The following SLC25A48 variants were observed in gnomAD, a reference collection of about 807,000 sequenced individuals.
SLC25A48 encodes the protein CTC-321K16.1.
A neutral mutation model predicts 32.2 loss-of-function variants in SLC25A48; 29 were observed. The ratio of observed to expected loss-of-function variants is 0.90; its 90% CI spans 0.67 to 1.23. The LOEUF is 1.23. SLC25A48 is among the 50% of genes most tolerant of loss of function. SLC25A48 has a pLI of 0.00. For missense variants in SLC25A48, 399 were observed against 422.7 expected (o/e 0.94, Z 0.49); for synonymous variants, 164 against 172.3 (o/e 0.95, Z 0.38).
At chr5:135,865,390 A>T (rs1199939898) in intron 4 of SLC25A48, among the ~76,000 whole-genome samples, 1 of 152,126 alleles carries the variant, frequency 6.6e-6, no homozygotes. Context: ...CAAACTGAGG[A>T]TGTTACAGCC....
chr5:135,756,326 TATG>T (rs1243088498), intron 3 of SLC25A48, among the ~76,000 whole-genome samples: 3 of 152,264 alleles, frequency 2.0e-5, no homozygotes, highest in East Asian at 1.9e-4. Context: ...GTTGACACAC[TATG>T]ATATTAATAA....
intron 3 of SLC25A48, among the ~76,000 whole-genome samples, chr5:135,716,298 C>T (rs1222678929): frequency 1.3e-5 from 2 of 152,168 alleles, no homozygotes; most frequent in African/African-American, 2.4e-5. Context: ...AGAACTGCTC[C>T]ACTCCACCAC....
chr5:135,866,655 C>G (rs1761228201), intron 4 of SLC25A48, among the ~76,000 whole-genome samples: 1 of 152,224 alleles, frequency 6.6e-6, no homozygotes, highest in African/African-American at 2.4e-5. Context: ...CCTCCCAGGC[C>G]AAACAGGAGG....
At chr5:135,826,436 C>T (rs914857680) in intron 4 of SLC25A48, 1 of 152,332 alleles carries the variant, frequency 6.6e-6, no homozygotes, top group African/African-American at 2.4e-5. Context: ...TCTTGTCCAG[C>T]ACTCTGACCT....
At chr5:135,848,275 T>C (rs543977732) in intron 2 of SLC25A48, among the ~76,000 whole-genome samples, 1 of 152,284 alleles carries the variant, frequency 6.6e-6, no homozygotes, top group African/African-American at 2.4e-5. Context: ...AGGGGGTGGG[T>C]GGCAGTCAGC....
rs572107319 is a variant in SLC25A48 at position 135,629,871 on chromosome 5, A to G, written c.-709+495A>G. 4.6e-5 allele frequency among the ~76,000 whole-genome samples: 7 copies of G among 152,284 alleles called. No individual in the cohort carries two copies. The highest frequency in any genetic ancestry group is 8.8e-5 in the Non-Finnish European group (6 of 68,020). On this transcript the variant is annotated intron_variant, in intron 2 of 10. Coordinates refer to the SLC25A48 transcript ENST00000646290. The surrounding 1 kb of genome is among the most constrained non-coding windows in gnomAD (Gnocchi z 4.8). ...AAACCCTAGGGCAGAAACTATCAAG[A>G]ACTTGCCGAAAGTAGTTGGAAGTCA...
At position 135,653,401 on chromosome 5, in the gene SLC25A48, G is replaced by A. The variant is rs1018188168; in HGVS notation, c.-521+18445G>A. On this transcript the variant is annotated intron_variant, in intron 3 of 10. Coordinates refer to the SLC25A48 transcript ENST00000646290. ...CCATACCCACTAGTAAAAGTTAATGGAAAACTACAGTAACCAAAATATAGG... is the reference window on the plus strand; with the variant it reads ...CCATACCCACTAGTAAAAGTTAATGAAAAACTACAGTAACCAAAATATAGG... Among the ~76,000 whole-genome samples the A allele has an allele frequency of 1.2e-4, 18 of 152,194 alleles. 1 individual carries two copies. The South Asian group carries it at 2.3e-3, about 19-fold the overall frequency.
intron 1 of SLC25A48, chr5:135,609,366 T>C (rs1222521899): frequency 1.3e-5 from 2 of 152,234 alleles, no homozygotes; most frequent in Non-Finnish European, 2.9e-5. Context: ...CTCATGGAGC[T>C]GCTGTTTCAT....
At chr5:135,655,597 C>A (rs1238005963) in intron 3 of SLC25A48, among the ~76,000 whole-genome samples, 1 of 152,190 alleles carries the variant, frequency 6.6e-6, no homozygotes, top group Non-Finnish European at 1.5e-5. Context: ...TACATCAGCC[C>A]TGGTGGTCTT....
At chr5:135,727,984 G>A (rs982093075) in intron 3 of SLC25A48, among the ~76,000 whole-genome samples, 11 of 152,096 alleles carry the variant, frequency 7.2e-5, no homozygotes, top group African/African-American at 2.2e-4. Flanking sequence ...GGCCGTGCAC[G>A]GTGGCTCACA....
At chr5:135,691,748 T>G (rs182528946) in intron 3 of SLC25A48, among the ~76,000 whole-genome samples, 249 of 152,284 alleles carry the variant, frequency 1.6e-3, no homozygotes, top group African/African-American at 5.6e-3. Flanking sequence ...TGCCCACACC[T>G]CTAGAGCTGT....
At chr5:135,796,772 G>T (rs1377456090) in intron 3 of SLC25A48, among the ~76,000 whole-genome samples, 1 of 151,694 alleles carries the variant, frequency 6.6e-6, no homozygotes, top group East Asian at 1.9e-4. Flanking sequence ...TTGTGATATT[G>T]TTCCTAATAT....
Position 135,879,999 on chromosome 5 carries a change from T to C in SLC25A48, c.845T>C (p.Val282Ala), listed in dbSNP as rs923039489. 3 of 1,536,394 alleles carry C rather than the reference T, an allele frequency of 2.0e-6. No homozygotes were observed. The highest frequency in any genetic ancestry group is 2.6e-6 in the Non-Finnish European group (3 of 1,146,964). ...VFFRGITVNA[V>A]RGFPMSAAMF... The stretch of plus-strand genomic sequence containing the variant: ...TTCAGAGGCATCACTGTGAACGCGG[T>C]GCGGGGCTTCCCCATGAGTGCGGCC... Residue 282 changes from valine (V) to alanine (A), a missense_variant, in exon 7 of 8, where the codon GTG becomes GCG. Val to Ala is a moderately conservative substitution (Grantham distance 64). Coordinates refer to ENST00000681962, the MANE Select transcript of SLC25A48 (RefSeq NM_001349336.2).
At chr5:135,694,679 T>A (rs1390017733) in intron 3 of SLC25A48, among the ~76,000 whole-genome samples, 1 of 152,048 alleles carries the variant, frequency 6.6e-6, no homozygotes, top group Non-Finnish European at 1.5e-5. Context: ...CACTGCAACC[T>A]CCAGTTCAAG....
intron 3 of SLC25A48, among the ~76,000 whole-genome samples, chr5:135,680,195 A>G (rs915253988): frequency 2.6e-5 from 4 of 152,190 alleles, no homozygotes; most frequent in Non-Finnish European, 5.9e-5. Flanking sequence ...TTGGTTCTTT[A>G]TGAAGGAGGT....
At chr5:135,850,290 C>A in intron 2 of SLC25A48, 135 bp from the exon 3 acceptor site, 3 of 780,840 alleles carry the variant, frequency 3.8e-6, no homozygotes, top group Non-Finnish European at 4.3e-6. Context: ...AGGGCACCAG[C>A]CTGGCCAGGA....
intron 1 of SLC25A48, among the ~76,000 whole-genome samples, chr5:135,841,130 T>A (rs4976484): frequency 0.14 from 20,693 of 152,248 alleles, 1,788 homozygotes; most frequent in Middle Eastern, 0.2. Context: ...TGAAGACGTA[T>A]CTCATTGTGG....
intron 3 of SLC25A48, among the ~76,000 whole-genome samples, chr5:135,715,591 C>T (rs1212400023): frequency 1.3e-5 from 2 of 152,230 alleles, no homozygotes; most frequent in African/African-American, 4.8e-5. Context: ...GAGGTGACTT[C>T]ACCTTACTGG....
intron 3 of SLC25A48, among the ~76,000 whole-genome samples, chr5:135,852,156 C>A (rs1337567663): frequency 6.6e-6 from 1 of 152,164 alleles, no homozygotes; most frequent in Non-Finnish European, 1.5e-5. Context: ...TGGCCCCTGG[C>A]CAGTGCCTGG....
Sources: allele counts gnomAD v4.1 joint callset (sites outside exome capture counted in the v4.1 genomes callset), GRCh38; gene constraint gnomAD v4.1.1; non-coding constraint Gnocchi (gnomAD v3.1); transcripts MANE v1.5; gene names NCBI Gene and HGNC (gene_info 2026-07-23, HGNC 2026-07-21).